KIAA0753: variants seen among roughly 807,000 people sequenced by gnomAD.
KIAA0753 encodes protein moonraker.
KIAA0753 carries 114 observed loss-of-function variants against 116.9 expected under a neutral mutation model. The observed-to-expected ratio is 0.98, with a 90% CI of 0.84 to 1.14. The LOEUF (loss-of-function observed/expected upper bound fraction) is 1.14. Ranked by LOEUF, KIAA0753 falls within the 50% of genes most tolerant of loss-of-function variation. The pLI is 0.00. For synonymous variants in KIAA0753, 405 were observed against 413.1 expected, an observed-to-expected ratio of 0.98 and a Z score of 0.24; for missense variants, 1,156 against 1,172.4, an observed-to-expected ratio of 0.99 and a Z score of 0.20.
intron 18 of KIAA0753, among the ~76,000 whole-genome samples, chr17:6,581,270 C>CT (rs997527629): frequency 6.6e-6 from 1 of 151,302 alleles, no homozygotes; most frequent in African/African-American, 2.4e-5. Context: ...GAATAAAAGC[C>CT]TTTTTTTGGG....
intron 7 of KIAA0753, among the ~76,000 whole-genome samples, chr17:6,619,382 T>C (rs1250059795): frequency 2.0e-5 from 3 of 152,202 alleles, no homozygotes; most frequent in Non-Finnish European, 2.9e-5. Flanking sequence ...TGGTAATTAA[T>C]TCAGCTATAA....
intron 18 of KIAA0753, among the ~76,000 whole-genome samples, 162 bp from the exon 19 acceptor site, chr17:6,580,026 T>C (rs1010472336): frequency 2.6e-5 from 4 of 151,866 alleles, no homozygotes; most frequent in African/African-American, 7.3e-5. Context: ...CTACTAAAAA[T>C]ACATAAAATT....
intron 16 of KIAA0753, among the ~76,000 whole-genome samples, chr17:6,593,265 G>T (rs756351296): frequency 6.6e-6 from 1 of 152,208 alleles, no homozygotes; most frequent in Non-Finnish European, 1.5e-5. Flanking sequence ...GCCAGGTGAC[G>T]GGGCTCATGC....
At chr17:6,629,417 A>G (rs1971884767) in intron 2 of KIAA0753, among the ~76,000 whole-genome samples, 1 of 152,222 alleles carries the variant, frequency 6.6e-6, no homozygotes, top group Admixed American at 6.5e-5. Flanking sequence ...ATGCCTAACT[A>G]TAATGTTAAT....
At position 6,599,230 on chromosome 17, in the gene KIAA0753, C is replaced by T. The variant is rs754662399; in HGVS notation, c.2172+7G>A. 9 of 1,604,238 alleles carry T rather than the reference C, an allele frequency of 5.6e-6. No homozygotes were observed. The highest frequency in any genetic ancestry group is 5.4e-5 in the African/African-American group (4 of 74,698). On this transcript the variant is annotated splice_region_variant and intron_variant, in intron 14 of 18. Transcript: ENST00000361413. ...ATACCAGAATGCCAATATCACACAA[C>T]GCATACCTCCTGTGCAGGCTGGGCT... is the stretch of plus-strand genomic sequence containing the variant.
intron 12 of KIAA0753, among the ~76,000 whole-genome samples, chr17:6,606,636 A>G (rs968622127): frequency 6.6e-6 from 1 of 152,232 alleles, no homozygotes; most frequent in Non-Finnish European, 1.5e-5. Context: ...TAAGACTCTG[A>G]TCTTTCAGAC....
At chr17:6,607,004 C>A (rs1322167343) in intron 11 of KIAA0753, 42 bp from the exon 12 acceptor site, 1 of 1,570,814 alleles carries the variant, frequency 6.4e-7, no homozygotes, top group Non-Finnish European at 8.8e-7. Flanking sequence ...CTCCTCAAGG[C>A]AGAGTCAGGG....
At position 6,608,345 on chromosome 17, in the gene KIAA0753, A is replaced by AACCTGGCTGCTTCATGCTCAACAGC; in HGVS notation, c.1807_1829+2dup. ...CAAAGATCTGAAAAATACCAGCACA[A>AACCTGGCTGCTTCATGCTCAACAGC]ACCTGGCTGCTTCATGCTCAACAGC... On this transcript the variant is annotated splice_region_variant and intron_variant, in intron 10 of 18. Coordinates refer to ENST00000361413, the MANE Select transcript of KIAA0753 (RefSeq NM_014804.3). 1.4e-6 allele frequency: 2 copies of AACCTGGCTGCTTCATGCTCAACAGC among 1,423,458 alleles called. No individual in the cohort carries two copies. The highest frequency in any genetic ancestry group is 1.9e-6 in the Non-Finnish European group (2 of 1,065,562). 88.2% of individuals were successfully genotyped at this position (1,423,458 alleles called of 1,614,324 possible).
At chr17:6,596,771 C>T (rs1969515381) in intron 14 of KIAA0753, among the ~76,000 whole-genome samples, 1 of 152,174 alleles carries the variant, frequency 6.6e-6, no homozygotes, top group Non-Finnish European at 1.5e-5. Flanking sequence ...TCACAAAGTT[C>T]AGGATTCTTT....
chr17:6,609,043 T>C (rs1970368152), intron 9 of KIAA0753, among the ~76,000 whole-genome samples: 3 of 152,224 alleles, frequency 2.0e-5, no homozygotes, highest in African/African-American at 7.2e-5. Flanking sequence ...AGACCTGATT[T>C]TAGGTCTGGC....
intron 7 of KIAA0753, among the ~76,000 whole-genome samples, chr17:6,616,545 C>T (rs1970947827): frequency 1.3e-5 from 2 of 152,184 alleles, no homozygotes; most frequent in Admixed American, 1.3e-4. Flanking sequence ...AAGATTCAGG[C>T]TGGGCGAGGT....
rs1260513266 is a variant in KIAA0753 at position 6,628,313 on chromosome 17, G to A, written c.522C>T (p.Tyr174=). 2 of 1,614,114 alleles carry A rather than the reference G, an allele frequency of 1.2e-6. No individual in the cohort carries two copies. Among genetic ancestry groups the A allele is most frequent in the African/African-American group, 1.3e-5 (1 of 75,006 alleles). The change falls in exon 3 of 19, where the codon TAC becomes TAT. Residue 174 remains tyrosine (Y), a synonymous_variant. Transcript: ENST00000361413. The part of the protein sequence containing the change: ...VEISSSGAKV[Y]LYSSHPGQSD... ...ACTGGCCTGGATGAGATGAGTAAAG[G>A]TATACTTTGGCACCAGAGCTGGAGA... is the stretch of plus-strand genomic sequence containing the variant.
rs901060784 is a variant in KIAA0753 at position 6,610,045 on chromosome 17, T to C, written c.1661A>G (p.Lys554Arg). ...KMNRQPVKDRKAPWIPPNPTS... is the reference protein window; with the variant it reads ...KMNRQPVKDRRAPWIPPNPTS... Reference sequence around the variant, plus strand: ...GGGGTTTGGGGGTATCCATGGTGCCTTGCGGTCTTTCACAGGCTGCCGGTT... The same window carrying C: ...GGGGTTTGGGGGTATCCATGGTGCCCTGCGGTCTTTCACAGGCTGCCGGTT... Residue 554 changes from lysine (K) to arginine (R), a missense_variant, in exon 9 of 19, where the codon AAG becomes AGG. Physicochemically the swap from Lys to Arg is conservative, Grantham distance 26 (BLOSUM62 2). Transcript: ENST00000361413. 6 of 1,614,182 alleles carry C rather than the reference T, an allele frequency of 3.7e-6. No homozygotes were observed. The Admixed American group carries it at 1.0e-4, about 27-fold the overall frequency.
At position 6,599,213 on chromosome 17, in the gene KIAA0753, ATGCCAAT is replaced by A. The variant is rs777568572; in HGVS notation, c.2172+17_2172+23del. The A allele has an allele frequency of 3.2e-6, 5 of 1,543,834 alleles. No individual in the cohort carries two copies. The Admixed American group carries it at 8.4e-5, about 26-fold the overall frequency. On this transcript the variant is annotated intron_variant, in intron 14 of 18. Coordinates refer to ENST00000361413, the MANE Select transcript of KIAA0753 (RefSeq NM_014804.3). ...GATGTTATCAAGCAATAATACCAGA[ATGCCAAT>A]ATCACACAACGCATACCTCCTGTGC...
chr17:6,595,075 T>G (rs774972319), intron 15 of KIAA0753, 22 bp from the exon 16 acceptor site: 41 of 1,532,716 alleles, frequency 2.7e-5, no homozygotes, highest in Admixed American at 5.5e-5. Flanking sequence ...AAGAAAAAAG[T>G]TTAATTTATG....
At position 6,590,575 on chromosome 17, in the gene KIAA0753, G is replaced by T; in HGVS notation, c.2496C>A (p.Ile832=). 6.2e-7 allele frequency: 1 copy of T among 1,614,038 alleles called. No homozygotes were observed. Among genetic ancestry groups the T allele is most frequent in the South Asian group, 1.1e-5 (1 of 91,068 alleles). ...EKPLSPHPIR[I]TKTVDRKDPA... ...GATCCTTGCGATCCACTGTCTTCGT[G>T]ATTCTGATTGGATGAGGAGATAGAG... The change falls in exon 17 of 19, where the codon ATC becomes ATA. Residue 832 remains isoleucine, a synonymous_variant. Coordinates refer to ENST00000361413, the MANE Select transcript of KIAA0753 (RefSeq NM_014804.3).
At chr17:6,627,732 T>C (rs1222332330) in intron 3 of KIAA0753, among the ~76,000 whole-genome samples, 1 of 152,222 alleles carries the variant, frequency 6.6e-6, no homozygotes, top group Admixed American at 6.5e-5. Context: ...AAATACATTA[T>C]GCTCTCTTTT....
chr17:6,599,702 G>A (rs1362137679), intron 13 of KIAA0753, among the ~76,000 whole-genome samples: 1 of 151,704 alleles, frequency 6.6e-6, no homozygotes, highest in Non-Finnish European at 1.5e-5. Context: ...CTAGTTCTAT[G>A]CTACTGAGAT....
At chr17:6,595,777 C>G (rs1969423924) in intron 15 of KIAA0753, among the ~76,000 whole-genome samples, 1 of 152,164 alleles carries the variant, frequency 6.6e-6, no homozygotes, top group African/African-American at 2.4e-5. Context: ...CACACTCCAG[C>G]TGGGAAGAGG....
Sources: gnomAD v4.1 joint callset for allele counts (sites outside exome capture counted in the v4.1 genomes callset) on GRCh38, gnomAD v4.1.1 for gene constraint, MANE v1.5 for transcripts, NCBI Gene and HGNC (gene_info 2026-07-23, HGNC 2026-07-21) for gene names.